Variants in OSTN observed in about 807,000 individuals in gnomAD.
OSTN encodes osteocrin.
A neutral mutation model predicts 12.0 loss-of-function variants in OSTN; 9 were observed. That is an observed-to-expected ratio of 0.75 (90% CI 0.45 to 1.30). The LOEUF (loss-of-function observed/expected upper bound fraction) is 1.30. OSTN is among the 50% of genes most tolerant of loss of function. The probability of loss-of-function intolerance (pLI) is 0.00; values close to 1 mark genes in which losing one functional copy is unlikely to be tolerated. For synonymous variants in OSTN, 59 were observed against 56.9 expected, an observed-to-expected ratio of 1.04 and a Z score of -0.16; for missense variants, 148 against 152.3, an observed-to-expected ratio of 0.97 and a Z score of 0.15.
chr3:191,244,539 C>T (rs1268621146), intron 3 of OSTN, among the ~76,000 whole-genome samples: 1 of 149,506 alleles, frequency 6.7e-6, no homozygotes, highest in African/African-American at 2.4e-5. Flanking sequence ...TCATACACTA[C>T]ATTCATGCCA....
intron 3 of OSTN, among the ~76,000 whole-genome samples, chr3:191,241,272 G>A (rs10937462): frequency 0.67 from 98,759 of 148,386 alleles, 33,375 homozygotes; most frequent in South Asian, 0.78. Context: ...TCCGCCTCCC[G>A]GGTTCACGCC....
chr3:191,228,088 C>T (rs1714959019), intron 3 of OSTN, among the ~76,000 whole-genome samples: 1 of 152,058 alleles, frequency 6.6e-6, no homozygotes, highest in Admixed American at 6.6e-5. Flanking sequence ...TACGATTTTT[C>T]AAAATGGTTT....
At chr3:191,208,276 A>C (rs1003188388) in intron 1 of OSTN, among the ~76,000 whole-genome samples, 6 of 152,204 alleles carry the variant, frequency 3.9e-5, no homozygotes, top group East Asian at 1.9e-4. Flanking sequence ...TTTATCCACT[A>C]TCAACAAAAA....
intron 1 of OSTN, among the ~76,000 whole-genome samples, chr3:191,206,118 G>A (rs201495165): frequency 1.3e-5 from 2 of 151,726 alleles, no homozygotes; most frequent in African/African-American, 2.4e-5. Flanking sequence ...CCTGGGAAGC[G>A]GAGGTTGCAG....
chr3:191,208,455 CT>C (rs567276096), intron 1 of OSTN, among the ~76,000 whole-genome samples: 9 of 152,288 alleles, frequency 5.9e-5, no homozygotes, highest in Non-Finnish European at 8.8e-5. Context: ...GGAACTTGGC[CT>C]TTTGGTTAAC....
At chr3:191,233,550 C>T (rs944244433) in intron 3 of OSTN, among the ~76,000 whole-genome samples, 6 of 152,120 alleles carry the variant, frequency 3.9e-5, no homozygotes, top group African/African-American at 1.4e-4. Context: ...GATTCTCCTG[C>T]CTCAGCCTAC....
intron 3 of OSTN, among the ~76,000 whole-genome samples, chr3:191,248,355 G>A (rs796549646): frequency 2.0e-5 from 3 of 152,048 alleles, no homozygotes; most frequent in African/African-American, 7.2e-5. Context: ...CTACATATCA[G>A]GTACACAGTA....
chr3:191,256,573 G>A (rs999479669), intron 4 of OSTN, among the ~76,000 whole-genome samples: 10 of 149,712 alleles, frequency 6.7e-5, no homozygotes, highest in African/African-American at 2.4e-4. Context: ...CAATCATAAG[G>A]TCTAATAAAG....
chr3:191,234,008 GA>G (rs1413188314), intron 3 of OSTN, among the ~76,000 whole-genome samples: 2 of 150,872 alleles, frequency 1.3e-5, no homozygotes, highest in Non-Finnish European at 2.9e-5. Context: ...AAAAAAAATT[GA>G]TGATTGGCCT....
At chr3:191,260,607 T>C (rs1331915238) in intron 4 of OSTN, among the ~76,000 whole-genome samples, 2 of 152,128 alleles carry the variant, frequency 1.3e-5, no homozygotes, top group East Asian at 1.9e-4. Flanking sequence ...GGACTTCTTA[T>C]GACAAACCCC....
chr3:191,203,666 T>C (rs943534110), intron 1 of OSTN, among the ~76,000 whole-genome samples: 3 of 147,304 alleles, frequency 2.0e-5, no homozygotes, highest in Admixed American at 2.0e-4. Context: ...TAACACTGCA[T>C]CCATAAAAAT....
At chr3:191,211,069 A>C (rs1385922578) in intron 1 of OSTN, among the ~76,000 whole-genome samples, 1 of 152,202 alleles carries the variant, frequency 6.6e-6, no homozygotes, top group Non-Finnish European at 1.5e-5. Context: ...TATAGATTAA[A>C]AACTGATTCC....
intron 4 of OSTN, 44 bp downstream of exon 4, chr3:191,250,177 T>C: frequency 2.1e-6 from 3 of 1,402,770 alleles, no homozygotes; most frequent in Non-Finnish European, 2.0e-6. Context: ...AGGTATTTGA[T>C]TAATATTTCA....
At chr3:191,225,021 CATAAA>C (rs1224289754) in intron 3 of OSTN, among the ~76,000 whole-genome samples, 1 of 151,792 alleles carries the variant, frequency 6.6e-6, no homozygotes, top group African/African-American at 2.4e-5. Context: ...TAAAGCACAA[CATAAA>C]ATATAATAAA....
intron 1 of OSTN, among the ~76,000 whole-genome samples, chr3:191,210,624 T>TGA (rs1714395569): frequency 6.6e-6 from 1 of 152,232 alleles, no homozygotes; most frequent in Non-Finnish European, 1.5e-5. Flanking sequence ...AAGGTTACAC[T>TGA]GATACTAAAG....
chr3:191,210,288 G>C (rs1196544227), intron 1 of OSTN, among the ~76,000 whole-genome samples: 1 of 152,142 alleles, frequency 6.6e-6, no homozygotes, highest in Non-Finnish European at 1.5e-5. Context: ...TCCAATACTG[G>C]AGGCAACTCA....
chr3:191,215,816 T>G (rs1392749238), intron 2 of OSTN, among the ~76,000 whole-genome samples: 1 of 152,112 alleles, frequency 6.6e-6, no homozygotes, highest in Non-Finnish European at 1.5e-5. Flanking sequence ...GCAGCTTTCA[T>G]GGGCTGGCAT....
At chr3:191,204,646 A>G (rs1361772202) in intron 1 of OSTN, among the ~76,000 whole-genome samples, 2 of 152,246 alleles carry the variant, frequency 1.3e-5, no homozygotes, top group African/African-American at 2.4e-5. Flanking sequence ...GCTTTCCAGC[A>G]GGTAAGTCTC....
intron 1 of OSTN, among the ~76,000 whole-genome samples, chr3:191,205,806 G>A (rs1714259950): frequency 6.6e-6 from 1 of 152,056 alleles, no homozygotes; most frequent in African/African-American, 2.4e-5. Flanking sequence ...TGGAACCTCA[G>A]TTCTAACAAT....
Sources: gnomAD v4.1 joint callset for allele counts (sites outside exome capture counted in the v4.1 genomes callset) on GRCh38, gnomAD v4.1.1 for gene constraint, MANE v1.5 for transcripts, NCBI Gene and HGNC (gene_info 2026-07-23, HGNC 2026-07-21) for gene names.